Variants in TTC1 observed in about 807,000 individuals in gnomAD.
The protein encoded by TTC1 is tetratricopeptide repeat domain 1.
A neutral mutation model predicts 37.6 loss-of-function variants in TTC1; 31 were observed. That is an observed-to-expected ratio of 0.82 (90% CI 0.62 to 1.11). The LOEUF (loss-of-function observed/expected upper bound fraction) is 1.11, where lower values mean the gene tolerates loss of function less well. Among genes scored for constraint, TTC1 ranks in the 50% most tolerant of loss-of-function variants. The pLI is 0.00. For synonymous variants in TTC1, 127 were observed against 122.4 expected (o/e 1.04, Z -0.25); for missense variants, 351 against 339.0 (o/e 1.04, Z -0.28).
At chr5:160,053,415 T>G (rs892753124) in intron 7 of TTC1, among the ~76,000 whole-genome samples, 1 of 152,008 alleles carries the variant, frequency 6.6e-6, no homozygotes, top group African/African-American at 2.4e-5. Context: ...ACTAAAAAAA[T>G]TAGCCAGGTG....
At chr5:160,022,168 A>G (rs1223334158) in intron 2 of TTC1, among the ~76,000 whole-genome samples, 1 of 152,188 alleles carries the variant, frequency 6.6e-6, no homozygotes, top group African/African-American at 2.4e-5. Flanking sequence ...ATTTCATGCA[A>G]GTTTTTAACT....
rs368094676 is a variant in TTC1 at position 160,041,313 on chromosome 5, C to CTT, written c.505-1805_505-1804dup. ...ATTATGTATGTATTATGCTTTCTTT[C>CTT]TTTTTTTTTTTTTTTTGGAGATAGA... is the stretch of plus-strand genomic sequence containing the variant. On this transcript the variant is annotated intron_variant, in intron 4 of 7. Transcript: ENST00000231238. Among the ~76,000 whole-genome samples the CTT allele has an allele frequency of 8.2e-3, 1,115 of 135,586 alleles. 13 individuals are homozygous for CTT. Among genetic ancestry groups the CTT allele is most frequent in the African/African-American group, 0.022 (816 of 36,834 alleles). 88.9% of individuals were successfully genotyped at this position (135,586 alleles called of 152,430 possible).
In TTC1 at chr5:160,065,183, T is replaced by A. The variant is rs1753568682; in HGVS notation, c.*118T>A. On this transcript the variant is annotated 3_prime_UTR_variant, in exon 8 of 8. Coordinates refer to ENST00000231238, the MANE Select transcript of TTC1 (RefSeq NM_003314.3). Reference sequence around the variant, plus strand: ...AGCATCTTATCTAAAAGAAAGGCTATCCAGTAGAGCCCAGTGCTCCCTTGT... The same window carrying A: ...AGCATCTTATCTAAAAGAAAGGCTAACCAGTAGAGCCCAGTGCTCCCTTGT... 1 of 1,393,580 alleles carries A rather than the reference T, an allele frequency of 7.2e-7. No homozygotes were observed. The highest frequency in any genetic ancestry group is 1.9e-5 in the Admixed American group (1 of 51,758). The allele number at this position is 1,393,580 out of a possible 1,614,324, so 86.3% of individuals were successfully genotyped here. A position where few individuals can be genotyped will look rare whatever the true frequency, so the allele number is the denominator to read the frequency against.
At chr5:160,060,811 G>C (rs939328792) in intron 7 of TTC1, among the ~76,000 whole-genome samples, 6 of 152,200 alleles carry the variant, frequency 3.9e-5, no homozygotes, top group African/African-American at 1.4e-4. Flanking sequence ...CCAAAAACTT[G>C]TTGATTCTAC....
In TTC1 at chr5:160,034,782, G is replaced by C. The variant is rs114143705; in HGVS notation, c.331-358G>C. ...TAGTAAGTACTAGAAGCTACAATTT[G>C]AATTTACACTGGTATGCACACCAGT... On this transcript the variant is annotated intron_variant, in intron 2 of 7. Coordinates refer to ENST00000231238, the MANE Select transcript of TTC1 (RefSeq NM_003314.3). Among the ~76,000 whole-genome samples, 698 of 152,242 alleles carry C rather than the reference G, an allele frequency of 4.6e-3. 6 individuals carry two copies. The highest frequency in any genetic ancestry group is 0.017 in the South Asian group (84 of 4,826).
rs1480153184 is a variant in TTC1, at chr5:160,057,778, G to A, written c.745+6595G>A. On this transcript the variant is annotated intron_variant, in intron 7 of 7. Coordinates refer to ENST00000231238, the MANE Select transcript of TTC1 (RefSeq NM_003314.3). The surrounding 1 kb of genome is among the most constrained non-coding windows in gnomAD (Gnocchi z 4.4). ...AATATTTGGGGGTTTGTGCGTGTGT[G>A]TGTGTGTGTGACACAGAGCCTCATT... 6.6e-6 allele frequency among the ~76,000 whole-genome samples: 1 copy of A among 152,136 alleles called. No individual in the cohort carries two copies. Among genetic ancestry groups the A allele is most frequent in the Non-Finnish European group, 1.5e-5 (1 of 68,016 alleles).
chr5:160,035,728 C>T (rs1756988661), intron 3 of TTC1, among the ~76,000 whole-genome samples: 1 of 152,122 alleles, frequency 6.6e-6, no homozygotes, highest in Non-Finnish European at 1.5e-5. Context: ...TCTTCATGTC[C>T]TTCTGCATTT....
intron 6 of TTC1, among the ~76,000 whole-genome samples, chr5:160,050,438 C>T (rs1422761268): frequency 3.9e-5 from 6 of 152,038 alleles, no homozygotes; most frequent in African/African-American, 1.5e-4. Context: ...CAGTGTGAGA[C>T]TCTGTCTTAA....
At chr5:160,020,819 A>G (rs908850644) in intron 2 of TTC1, among the ~76,000 whole-genome samples, 3 of 152,226 alleles carry the variant, frequency 2.0e-5, no homozygotes, top group African/African-American at 7.2e-5. Flanking sequence ...CATTATGGTG[A>G]ATTGTATAAC....
At chr5:160,041,421 C>G (rs1303075030) in intron 4 of TTC1, among the ~76,000 whole-genome samples, 1 of 151,768 alleles carries the variant, frequency 6.6e-6, no homozygotes, top group Non-Finnish European at 1.5e-5. Flanking sequence ...AGCAATTCTC[C>G]TGCGTCAGCC....
At position 160,010,604 on chromosome 5, in the gene TTC1, GC is replaced by G. The variant is rs1279592478; in HGVS notation, c.78del (p.Glu27SerfsTer61). 1 of 1,614,124 alleles carries G rather than the reference GC, an allele frequency of 6.2e-7. No individual in the cohort carries two copies. ...TTTGAAGGTTACAGATACTCAGGAA[GC>G]CGAGTGTGCTGGCCCTCCAGTTCCT... ...NGLKVTDTQE[A>X]ECAGPPVPDP... On this transcript the variant is annotated frameshift_variant, in exon 2 of 8. Transcript: ENST00000231238. LOFTEE classifies it high-confidence loss of function.
At chr5:160,052,596 A>T (rs1274487719) in intron 7 of TTC1, among the ~76,000 whole-genome samples, 1 of 135,384 alleles carries the variant, frequency 7.4e-6, no homozygotes, top group African/African-American at 2.7e-5. Context: ...TAGTATTTGA[A>T]TTTCTTGCTA....
At chr5:160,024,994 G>C (rs760972348) in intron 2 of TTC1, among the ~76,000 whole-genome samples, 8 of 152,038 alleles carry the variant, frequency 5.3e-5, no homozygotes, top group Non-Finnish European at 8.8e-5. Flanking sequence ...GAGCCATCAT[G>C]CCCAGCTAAT....
At chr5:160,016,192 A>G (rs1756602644) in intron 2 of TTC1, among the ~76,000 whole-genome samples, 1 of 152,214 alleles carries the variant, frequency 6.6e-6, no homozygotes, top group Non-Finnish European at 1.5e-5. Flanking sequence ...AGCCTGGCCA[A>G]CATGGTGAAA....
At chr5:160,023,760 T>C (rs1186565768) in intron 2 of TTC1, 4 of 1,612,930 alleles carry the variant, frequency 2.5e-6, no homozygotes, top group Non-Finnish European at 3.4e-6. Flanking sequence ...TTTTTCTTCT[T>C]CTTTGCTGCC....
intron 7 of TTC1, among the ~76,000 whole-genome samples, chr5:160,055,034 G>A (rs71603651): frequency 0.026 from 3,913 of 152,244 alleles, 80 homozygotes; most frequent in Middle Eastern, 0.082. Context: ...CTTCCTGGGG[G>A]TTGGTTCTTT....
At chr5:160,056,925 A>G (rs367851348) in intron 7 of TTC1, among the ~76,000 whole-genome samples, 4 of 152,058 alleles carry the variant, frequency 2.6e-5, no homozygotes, top group South Asian at 2.1e-4. Context: ...TTGACTTGTT[A>G]CCACCCCTCT....
chr5:160,036,518 A>C (rs1757001707), intron 3 of TTC1, 173 bp from the exon 4 acceptor site: 1 of 548,214 alleles, frequency 1.8e-6, no homozygotes, highest in East Asian at 3.1e-5. Flanking sequence ...TCCTTTAAAG[A>C]GAGAAGAAAA....
intron 7 of TTC1, among the ~76,000 whole-genome samples, chr5:160,055,105 A>G (rs1356422062): frequency 6.6e-6 from 1 of 152,176 alleles, no homozygotes; most frequent in Non-Finnish European, 1.5e-5. Flanking sequence ...TACTGGGATG[A>G]TGATACAGGT....
Sources: allele counts gnomAD v4.1 joint callset (sites outside exome capture counted in the v4.1 genomes callset), GRCh38; gene constraint gnomAD v4.1.1; non-coding constraint Gnocchi (gnomAD v3.1); transcripts MANE v1.5; gene names NCBI Gene and HGNC (gene_info 2026-07-23, HGNC 2026-07-21).